The following XKR9 variants were observed in gnomAD, a reference collection of about 807,000 sequenced individuals.
The protein encoded by XKR9 is XK-related protein 9.
In XKR9, 32 loss-of-function variants were observed where a neutral mutation model predicts 32.0. The observed-to-expected ratio is 1.00, with a 90% CI of 0.76 to 1.34. The LOEUF is 1.34. XKR9 is among the 40% of genes most tolerant of loss of function. XKR9 has a pLI of 0.00. For synonymous variants in XKR9, 168 were observed against 143.4 expected, an observed-to-expected ratio of 1.17 and a Z score of -1.22; for missense variants, 546 against 429.7, an observed-to-expected ratio of 1.27 and a Z score of -2.39.
At chr8:70,808,542 C>A in the XKR9 span, among the ~76,000 whole-genome samples, 1 of 152,158 alleles carries the variant, frequency 6.6e-6, no homozygotes, top group African/African-American at 2.4e-5. Context: ...AATTCCCTTT[C>A]CTAGCCAAGG....
the XKR9 span, among the ~76,000 whole-genome samples, chr8:70,998,635 G>T: frequency 6.6e-6 from 1 of 152,192 alleles, no homozygotes; most frequent in East Asian, 1.9e-4. Flanking sequence ...ACTTGTTTGT[G>T]AACAAGAATT....
chr8:71,014,186 A>G, the XKR9 span, among the ~76,000 whole-genome samples: 1 of 152,310 alleles, frequency 6.6e-6, no homozygotes, highest in Middle Eastern at 3.4e-3. Flanking sequence ...TCCCAAAGGA[A>G]GCCTAAACCT....
chr8:71,062,737 G>A, the XKR9 span, among the ~76,000 whole-genome samples: 1 of 151,862 alleles, frequency 6.6e-6, no homozygotes, highest in Non-Finnish European at 1.5e-5. Flanking sequence ...GCATCTGGAA[G>A]GCTATGGAGC....
the XKR9 span, among the ~76,000 whole-genome samples, chr8:70,808,631 G>A: frequency 6.6e-6 from 1 of 152,192 alleles, no homozygotes; most frequent in African/African-American, 2.4e-5. Flanking sequence ...CTTAGCAAAT[G>A]GCACACCAGG....
the XKR9 span, among the ~76,000 whole-genome samples, chr8:70,867,497 G>A: frequency 6.6e-6 from 1 of 152,042 alleles, no homozygotes; most frequent in Non-Finnish European, 1.5e-5. Context: ...AGTTGCCCAG[G>A]CTGGAGTGCA....
At chr8:70,733,163 TG>T (rs1806729801) in intron 4 of XKR9, among the ~76,000 whole-genome samples, 1 of 152,166 alleles carries the variant, frequency 6.6e-6, no homozygotes, top group Non-Finnish European at 1.5e-5. Flanking sequence ...TGTTATTTGC[TG>T]AGAAAAAATG....
the XKR9 span, among the ~76,000 whole-genome samples, chr8:70,859,458 A>G: frequency 6.6e-6 from 1 of 152,234 alleles, no homozygotes; most frequent in South Asian, 2.1e-4. Flanking sequence ...AGGTTCCTCA[A>G]AAAACTAAAA....
chr8:71,062,366 G>T, the XKR9 span, among the ~76,000 whole-genome samples: 1 of 152,168 alleles, frequency 6.6e-6, no homozygotes, highest in Non-Finnish European at 1.5e-5. Context: ...TCTGGTTGGA[G>T]CTCACTTCCT....
intron 4 of XKR9, among the ~76,000 whole-genome samples, chr8:70,719,517 G>T (rs1324551047): frequency 1.3e-5 from 2 of 152,104 alleles, no homozygotes; most frequent in Non-Finnish European, 2.9e-5. Context: ...TCAGTTTTCT[G>T]CATAAGGCTA....
chr8:70,847,039 C>G, the XKR9 span, among the ~76,000 whole-genome samples: 1 of 152,050 alleles, frequency 6.6e-6, no homozygotes, highest in Non-Finnish European at 1.5e-5. Flanking sequence ...GCAGAATACA[C>G]ATTCTTCTCA....
the XKR9 span, among the ~76,000 whole-genome samples, chr8:71,033,587 C>G: frequency 6.6e-6 from 1 of 152,022 alleles, no homozygotes; most frequent in Non-Finnish European, 1.5e-5. Context: ...TGAGGTGGAT[C>G]CCTCATGAAT....
intron 2 of XKR9, among the ~76,000 whole-genome samples, chr8:70,748,975 C>T (rs1020903840): frequency 6.6e-6 from 1 of 152,156 alleles, no homozygotes; most frequent in African/African-American, 2.4e-5. Flanking sequence ...CACCATAGGT[C>T]TCCTCTGTGC....
chr8:71,005,871 GAA>G, the XKR9 span, among the ~76,000 whole-genome samples: 1 of 152,180 alleles, frequency 6.6e-6, no homozygotes, highest in Non-Finnish European at 1.5e-5. Context: ...ACTTCCAGAT[GAA>G]AAGTTACCAG....
At chr8:70,944,340 TGCCAA>T in the XKR9 span, among the ~76,000 whole-genome samples, 2 of 152,242 alleles carry the variant, frequency 1.3e-5, no homozygotes, top group African/African-American at 4.8e-5. Flanking sequence ...CAAATGATTT[TGCCAA>T]ACACAGAAAA....
the XKR9 span, among the ~76,000 whole-genome samples, chr8:70,918,873 G>A: frequency 7.2e-6 from 1 of 139,334 alleles, no homozygotes; most frequent in Non-Finnish European, 1.5e-5. Flanking sequence ...CACCTCCCAG[G>A]TTCATGCCAT....
chr8:70,723,732 C>T (rs1444389745), intron 4 of XKR9, among the ~76,000 whole-genome samples: 1 of 152,104 alleles, frequency 6.6e-6, no homozygotes, highest in African/African-American at 2.4e-5. Flanking sequence ...TGGAGCTCTA[C>T]TGTATGAGGT....
the XKR9 span, among the ~76,000 whole-genome samples, chr8:70,943,238 G>A: frequency 3.9e-5 from 6 of 152,036 alleles, no homozygotes; most frequent in African/African-American, 1.2e-4. Flanking sequence ...AAAGTGTTTA[G>A]GATTGTAATA....
the XKR9 span, among the ~76,000 whole-genome samples, chr8:70,895,392 C>T: frequency 6.6e-6 from 1 of 152,080 alleles, no homozygotes; most frequent in Non-Finnish European, 1.5e-5. Context: ...GGGGAATGGG[C>T]ACTAGGGGCT....
the XKR9 span, among the ~76,000 whole-genome samples, chr8:70,902,210 G>A: frequency 6.6e-6 from 1 of 152,156 alleles, no homozygotes; most frequent in Non-Finnish European, 1.5e-5. Context: ...GTATCTTGAT[G>A]GGGATGGCAT....
Sources: gnomAD v4.1 joint callset for allele counts (sites outside exome capture counted in the v4.1 genomes callset) on GRCh38, gnomAD v4.1.1 for gene constraint, MANE v1.5 for transcripts, NCBI Gene and HGNC (gene_info 2026-07-23, HGNC 2026-07-21) for gene names.